SEMA4F: variants seen among roughly 807,000 people sequenced by gnomAD.
The protein encoded by SEMA4F is ssemaphorin 4F.
A neutral mutation model predicts 78.4 loss-of-function variants in SEMA4F; 51 were observed. That is an observed-to-expected ratio of 0.65 (90% CI 0.52 to 0.82). SEMA4F has a LOEUF of 0.82. SEMA4F is among the 40% of genes least tolerant of loss of function. The pLI is 0.00. For synonymous variants in SEMA4F, 418 were observed against 408.7 expected (o/e 1.02, Z -0.27); for missense variants, 938 against 1,014.4 (o/e 0.92, Z 1.02).
rs372063842 is a variant in SEMA4F, at chr2:74,662,695, A to G, written c.457-37A>G. The G allele has an allele frequency of 1.9e-5, 29 of 1,548,654 alleles. No homozygotes were observed. In the African/African-American group the frequency reaches 3.8e-4, roughly 20 times the overall value. ...GTAATTCTCACCATGAACCTTCCCT[A>G]TGACCCCTAAACCAATTGCCCCCTT... On this transcript the variant is annotated intron_variant, in intron 4 of 13. Coordinates refer to ENST00000357877, the MANE Select transcript of SEMA4F (RefSeq NM_004263.5).
downstream of SEMA4F, among the ~76,000 whole-genome samples, chr2:74,684,616 G>A (rs1230698529): frequency 6.6e-6 from 1 of 152,154 alleles, no homozygotes; most frequent in Non-Finnish European, 1.5e-5. Context: ...AGCAGATGGA[G>A]AAGGGCTATG....
In SEMA4F at chr2:74,673,570, C is replaced by A. The variant is rs780699133; in HGVS notation, c.664C>A (p.Leu222Met). ...WIRTDTLPSW[L>M]NAPAFVAAVA... The stretch of plus-strand genomic sequence containing the variant: ...TCGGACAGATACCTTGCCTTCCTGG[C>A]TGAACGGTGGGGAGAGGGAGAGGGG... The change falls in exon 6 of 14, where the codon CTG becomes ATG. Residue 222 changes from leucine to methionine, a missense_variant. Transcript: ENST00000357877. 2.9e-5 allele frequency: 46 copies of A among 1,614,012 alleles called. No homozygotes were observed. The highest frequency in any genetic ancestry group is 3.6e-5 in the Non-Finnish European group (43 of 1,180,014).
At chr2:74,663,470 G>A (rs989289683) in intron 5 of SEMA4F, among the ~76,000 whole-genome samples, 6 of 152,186 alleles carry the variant, frequency 3.9e-5, no homozygotes, top group Non-Finnish European at 8.8e-5. Flanking sequence ...TTGCTATAAA[G>A]AAATACCTGA....
At chr2:74,699,321 C>G in the SEMA4F span, among the ~76,000 whole-genome samples, 16 of 152,332 alleles carry the variant, frequency 1.1e-4, no homozygotes, top group East Asian at 2.9e-3. Flanking sequence ...CCTTTCCCAG[C>G]TGACCCAGAC....
At chr2:74,695,611 A>G in the SEMA4F span, among the ~76,000 whole-genome samples, 3 of 152,252 alleles carry the variant, frequency 2.0e-5, no homozygotes, top group African/African-American at 7.2e-5. Flanking sequence ...AGGACGCTGT[A>G]TTAAACTCTT....
At chr2:74,670,608 C>T (rs974941540) in intron 5 of SEMA4F, among the ~76,000 whole-genome samples, 6 of 152,222 alleles carry the variant, frequency 3.9e-5, no homozygotes, top group South Asian at 2.1e-4. Context: ...TCCAACCCTA[C>T]GTACCAAGTC....
At chr2:74,656,300 G>A (rs1435699469) in intron 1 of SEMA4F, among the ~76,000 whole-genome samples, 3 of 152,088 alleles carry the variant, frequency 2.0e-5, no homozygotes, top group South Asian at 2.1e-4. Context: ...GTGAGCAACC[G>A]TGTCCAGCTA....
intron 5 of SEMA4F, among the ~76,000 whole-genome samples, chr2:74,663,604 G>T (rs975122166): frequency 9.9e-5 from 15 of 152,174 alleles, no homozygotes; most frequent in African/African-American, 3.4e-4. Context: ...ATGGCAGAGG[G>T]TGAAGGGGAG....
chr2:74,657,505 A>C, intron 2 of SEMA4F, 60 bp from the exon 3 acceptor site: 1 of 1,517,992 alleles, frequency 6.6e-7, no homozygotes, highest in Non-Finnish European at 9.2e-7. Flanking sequence ...ATCTCCTCTA[A>C]CATCGAGGGA....
chr2:74,685,991 A>T (rs998185066), downstream of SEMA4F, among the ~76,000 whole-genome samples: 3 of 152,250 alleles, frequency 2.0e-5, no homozygotes, highest in Non-Finnish European at 4.4e-5. Context: ...AGAGAAATGC[A>T]AATCAAAACC....
the SEMA4F span, among the ~76,000 whole-genome samples, chr2:74,709,034 C>T: frequency 5.4e-4 from 82 of 152,122 alleles, no homozygotes; most frequent in African/African-American, 1.8e-3. Context: ...TGTGGTGGTG[C>T]GTGCCTATAG....
chr2:74,680,655 G>T lies in SEMA4F; in HGVS notation c.*446G>T, dbSNP rs1332240718. The T allele has an allele frequency of 6.3e-6, 1 of 158,840 alleles. No homozygotes were observed. The highest frequency in any genetic ancestry group is 1.4e-5 in the Non-Finnish European group (1 of 72,312). 9.8% of individuals were successfully genotyped at this position (158,840 alleles called of 1,614,324 possible). A position where few individuals can be genotyped will look rare whatever the true frequency, so the allele number is the denominator to read the frequency against. ...TTATTCTTCAAGTTTATCTGAATCT[G>T]TGGGGAGTGCATGATCCCCATGTTG... On this transcript the variant is annotated 3_prime_UTR_variant, in exon 14 of 14. Coordinates refer to ENST00000357877, the MANE Select transcript of SEMA4F (RefSeq NM_004263.5).
chr2:74,665,346 C>T (rs149943123), intron 5 of SEMA4F, among the ~76,000 whole-genome samples: 1 of 151,482 alleles, frequency 6.6e-6, no homozygotes, highest in East Asian at 1.9e-4. Context: ...TCTCCTGCCT[C>T]AGCCTCCCGA....
downstream of SEMA4F, among the ~76,000 whole-genome samples, chr2:74,684,732 G>C (rs968037697): frequency 6.6e-6 from 1 of 152,212 alleles, no homozygotes; most frequent in Non-Finnish European, 1.5e-5. Flanking sequence ...GGGAGGCCAA[G>C]GCAGGCAGAT....
rs201138724 is a variant in SEMA4F, at chr2:74,656,630, C to T, written c.242C>T (p.Ala81Val). The T allele has an allele frequency of 1.9e-5, 31 of 1,614,190 alleles. No individual in the cohort carries two copies. In the African/African-American group the frequency reaches 3.2e-4, roughly 17 times the overall value. ...GCCTCCCACACACTTTATGTTGGCG[C>T]CCGGGACACCATCTTCGCTTTATCC... ...DPASHTLYVGARDTIFALSLP... is the reference protein window; with the variant it reads ...DPASHTLYVGVRDTIFALSLP... The change falls in exon 2 of 14, where the codon GCC (alanine) becomes GTC (valine). Residue 81 changes from alanine (A) to valine (V), a missense_variant. Coordinates refer to ENST00000357877, the MANE Select transcript of SEMA4F (RefSeq NM_004263.5).
chr2:74,708,907 A>G, the SEMA4F span, among the ~76,000 whole-genome samples: 1 of 152,182 alleles, frequency 6.6e-6, no homozygotes, highest in Admixed American at 6.5e-5. Context: ...GGTTCACCCC[A>G]TTAATACCAG....
chr2:74,675,968 GTCT>G (rs1685259780), intron 12 of SEMA4F, 59 bp downstream of exon 12: 9 of 1,532,104 alleles, frequency 5.9e-6, no homozygotes, highest in Non-Finnish European at 7.9e-6. Context: ...CCATCCATAT[GTCT>G]ACGTTTCTCA....
the SEMA4F span, among the ~76,000 whole-genome samples, chr2:74,700,799 C>T: frequency 6.6e-6 from 1 of 152,120 alleles, no homozygotes; most frequent in Non-Finnish European, 1.5e-5. Context: ...AGGTAACATG[C>T]AGAACAAAGG....
Position 74,683,210 on chromosome 2 carries a change from C to A in SEMA4F, c.*3001C>A, listed in dbSNP as rs1685714952. 6.6e-6 allele frequency: 1 copy of A among 152,214 alleles called. No individual in the cohort carries two copies. The highest frequency in any genetic ancestry group is 1.5e-5 in the Non-Finnish European group (1 of 68,062). 9.4% of individuals were successfully genotyped at this position (152,214 alleles called of 1,614,324 possible). On this transcript the variant is annotated 3_prime_UTR_variant, in exon 14 of 14. Transcript: ENST00000357877. Reference sequence around the variant, plus strand: ...TTAATGATTGAGAAGGATGATTGGACCTGTCTAGTCAGGGAGGCTGAGGCC... The same window carrying A: ...TTAATGATTGAGAAGGATGATTGGAACTGTCTAGTCAGGGAGGCTGAGGCC...
Sources: allele counts gnomAD v4.1 joint callset (sites outside exome capture counted in the v4.1 genomes callset), GRCh38; gene constraint gnomAD v4.1.1; transcripts MANE v1.5; gene names NCBI Gene and HGNC (gene_info 2026-07-23, HGNC 2026-07-21).